The following PRPF4 variants were observed in gnomAD, a reference collection of about 807,000 sequenced individuals.
The protein encoded by PRPF4 is pre-mRNA splicing tri-snRNP complex factor PRPF4.
In PRPF4, 14 loss-of-function variants were observed where a neutral mutation model predicts 72.2. That is an observed-to-expected ratio of 0.19 (90% CI 0.13 to 0.30). The LOEUF is 0.30. Among genes scored for constraint, PRPF4 ranks in the 10% least tolerant of loss-of-function variants. The pLI is 1.00. For missense variants in PRPF4, 478 were observed against 653.9 expected (o/e 0.73, Z 2.93); for synonymous variants, 225 against 232.2 (o/e 0.97, Z 0.28).
chr9:113,283,069 G>A, intron 4 of PRPF4, 63 bp from the exon 5 acceptor site: 1 of 1,603,544 alleles, frequency 6.2e-7, no homozygotes, highest in Non-Finnish European at 8.5e-7. Flanking sequence ...ATGGAGAAAT[G>A]ACAGTTATAA....
Position 113,291,931 on chromosome 9 carries a change from G to T in PRPF4, c.*271G>T. ...CATTGTTTTTATTAATCTTTTGTTT[G>T]GCCGGGCGTGGTGGCTCACGCCTGT... On this transcript the variant is annotated 3_prime_UTR_variant, in exon 14 of 14. Transcript: ENST00000374198. 1 of 257,818 alleles carries T rather than the reference G, an allele frequency of 3.9e-6. No homozygotes were observed. 16.0% of individuals were successfully genotyped at this position (257,818 alleles called of 1,614,324 possible).
chr9:113,276,775 C>A, intron 2 of PRPF4, 50 bp downstream of exon 2: 1 of 1,521,334 alleles, frequency 6.6e-7, no homozygotes, highest in East Asian at 2.3e-5. Context: ...TAATGAATAC[C>A]TTTCTAAACT....
rs185641964 is a variant in PRPF4 at position 113,281,250 on chromosome 9, G to T, written c.393-1396G>T. Among the ~76,000 whole-genome samples the T allele has an allele frequency of 6.0e-3, 909 of 152,184 alleles. 14 individuals carry two copies. The highest frequency in any genetic ancestry group is 6.2e-3 in the Non-Finnish European group (422 of 67,988). The stretch of plus-strand genomic sequence containing the variant: ...TGCCACCTATTCAAAGAAGCCTTTC[G>T]TCACACCTAACCCCTCTGTTCTCTG... On this transcript the variant is annotated intron_variant, in intron 3 of 13. Transcript: ENST00000374198.
intron 10 of PRPF4, among the ~76,000 whole-genome samples, chr9:113,289,310 A>G (rs1832541024): frequency 6.6e-6 from 1 of 152,186 alleles, no homozygotes; most frequent in Non-Finnish European, 1.5e-5. Flanking sequence ...AGCTGCTATA[A>G]ATATTCTTGT....
At chr9:113,285,408 T>G in intron 7 of PRPF4, among the ~76,000 whole-genome samples, 1 of 121,340 alleles carries the variant, frequency 8.2e-6, no homozygotes, top group Non-Finnish European at 1.6e-5. Flanking sequence ...AGACGGAGTG[T>G]CACACTTTCG....
chr9:113,285,116 G>A (rs1306892786), intron 7 of PRPF4, among the ~76,000 whole-genome samples: 4 of 151,612 alleles, frequency 2.6e-5, no homozygotes, highest in African/African-American at 4.8e-5. Context: ...CGTTCCTGCC[G>A]TACCTGCTTC....
At chr9:113,277,594 C>T (rs779243498) in intron 2 of PRPF4, among the ~76,000 whole-genome samples, 27 of 152,128 alleles carry the variant, frequency 1.8e-4, no homozygotes, top group Non-Finnish European at 3.2e-4. Context: ...CCATGTTGCC[C>T]AGGCTGGTCT....
intron 1 of PRPF4, among the ~76,000 whole-genome samples, chr9:113,276,228 C>T (rs16931988): frequency 0.079 from 12,045 of 152,216 alleles, 1,559 homozygotes; most frequent in African/African-American, 0.27. Context: ...AAGCAGTAAT[C>T]CGGGAAGCAT....
intron 10 of PRPF4, among the ~76,000 whole-genome samples, chr9:113,288,517 A>G (rs1588018295): frequency 1.3e-5 from 2 of 151,778 alleles, no homozygotes; most frequent in Non-Finnish European, 2.9e-5. Flanking sequence ...GCTCACTGCA[A>G]CCGCCGTCTC....
intron 7 of PRPF4, among the ~76,000 whole-genome samples, chr9:113,284,903 G>A (rs80190895): frequency 4.4e-4 from 67 of 152,266 alleles, no homozygotes; most frequent in African/African-American, 1.5e-3. Context: ...AGAAAACTCA[G>A]GATGTGGTAA....
chr9:113,283,812 A>T (rs1832353128), intron 6 of PRPF4, among the ~76,000 whole-genome samples: 2 of 152,158 alleles, frequency 1.3e-5, no homozygotes, highest in African/African-American at 2.4e-5. Context: ...CAGTCCTGTA[A>T]TCCCAGCATT....
chr9:113,276,314 G>A (rs539933821), intron 1 of PRPF4, among the ~76,000 whole-genome samples: 41 of 152,122 alleles, frequency 2.7e-4, no homozygotes, highest in Non-Finnish European at 5.0e-4. Context: ...GAAAATACCC[G>A]AGAGAACCTC....
chr9:113,283,664 A>G (rs546040460), intron 6 of PRPF4, among the ~76,000 whole-genome samples, 182 bp downstream of exon 6: 1 of 152,286 alleles, frequency 6.6e-6, no homozygotes, highest in South Asian at 2.1e-4. Context: ...TGTGCTTTGT[A>G]TTCAGCAGAG....
At chr9:113,291,250 T>C (rs1468467982) in intron 13 of PRPF4, among the ~76,000 whole-genome samples, 2 of 152,212 alleles carry the variant, frequency 1.3e-5, no homozygotes, top group East Asian at 3.8e-4. Flanking sequence ...TGCTTCATTC[T>C]TTCCTCCATG....
chr9:113,288,074 C>T, intron 9 of PRPF4, 101 bp from the exon 10 acceptor site: 3 of 1,070,514 alleles, frequency 2.8e-6, no homozygotes, highest in South Asian at 1.5e-5. Flanking sequence ...ACAATTTAGC[C>T]TCTCGTGTTG....
At chr9:113,281,737 C>A (rs1161649561) in intron 3 of PRPF4, among the ~76,000 whole-genome samples, 1 of 152,072 alleles carries the variant, frequency 6.6e-6, no homozygotes, top group Non-Finnish European at 1.5e-5. Context: ...ATTCTTGACC[C>A]CCTTGACCTG....
chr9:113,278,230 T>G (rs978292920), intron 2 of PRPF4, among the ~76,000 whole-genome samples: 3 of 152,258 alleles, frequency 2.0e-5, no homozygotes, highest in Non-Finnish European at 4.4e-5. Flanking sequence ...AAAAATAAAA[T>G]TATGCATATT....
At chr9:113,278,914 C>A in intron 2 of PRPF4, 31 bp from the exon 3 acceptor site, 1 of 1,604,836 alleles carries the variant, frequency 6.2e-7, no homozygotes, top group African/African-American at 1.3e-5. Context: ...TGAAGAAGAT[C>A]TGCTGATGTT....
rs534523701 is a variant in PRPF4, at chr9:113,292,530, A to G, written c.*870A>G. The G allele has an allele frequency of 3.3e-5, 5 of 152,332 alleles. No individual in the cohort carries two copies. The highest frequency in any genetic ancestry group is 4.1e-4 in the South Asian group (2 of 4,828). The allele number at this position is 152,332 out of a possible 1,614,324, so 9.4% of individuals were successfully genotyped here. A position where few individuals can be genotyped will look rare whatever the true frequency, so the allele number is the denominator to read the frequency against. On this transcript the variant is annotated 3_prime_UTR_variant, in exon 14 of 14. Coordinates refer to ENST00000374198, the MANE Select transcript of PRPF4 (RefSeq NM_001244926.2). ...AGTGAAGAAGACTTCACCTCTTCCT[A>G]TTGAGTTTGCTTGGAATGCTGACAG...
Sources: allele counts gnomAD v4.1 joint callset (sites outside exome capture counted in the v4.1 genomes callset), GRCh38; gene constraint gnomAD v4.1.1; transcripts MANE v1.5; gene names NCBI Gene and HGNC (gene_info 2026-07-23, HGNC 2026-07-21).